The following BRPF3 variants were observed in gnomAD, a reference collection of about 807,000 sequenced individuals.
BRPF3 encodes bromodomain and PHD finger containing 3, also known as bromodomain and PHD finger-containing protein 3.
A neutral mutation model predicts 102.0 loss-of-function variants in BRPF3; 18 were observed. The ratio of observed to expected loss-of-function variants is 0.18; its 90% confidence interval spans 0.12 to 0.26. BRPF3 has a LOEUF of 0.26. BRPF3 is among the 10% of genes least tolerant of loss of function. BRPF3 has a pLI of 1.00. For missense variants in BRPF3, 1,147 were observed against 1,567.8 expected (o/e 0.73, Z 4.53); for synonymous variants, 570 against 614.2 (o/e 0.93, Z 1.06).
chr6:36,215,030 G>C (rs990853108), intron 8 of BRPF3, among the ~76,000 whole-genome samples: 2 of 151,802 alleles, frequency 1.3e-5, no homozygotes, highest in African/African-American at 4.8e-5. Context: ...GAGGGAACCA[G>C]TTTGGCTGCA....
In BRPF3 at chr6:36,231,309, C is replaced by G. The variant is rs1768933935; in HGVS notation, c.*700C>G. The G allele has an allele frequency of 6.5e-6, 1 of 152,748 alleles. No individual in the cohort carries two copies. The allele number at this position is 152,748 out of a possible 1,614,324, so 9.5% of individuals were successfully genotyped here. The stretch of plus-strand genomic sequence containing the variant: ...GAGGCCAGCCCACAACCTATGACCC[C>G]CTCCCCCAGGACACCACCTCCCACC... On this transcript the variant is annotated 3_prime_UTR_variant, in exon 13 of 13. Coordinates refer to ENST00000357641, the MANE Select transcript of BRPF3 (RefSeq NM_015695.3).
At chr6:36,224,225 A>G (rs1212664502) in intron 10 of BRPF3, among the ~76,000 whole-genome samples, 1 of 152,320 alleles carries the variant, frequency 6.6e-6, no homozygotes, top group Non-Finnish European at 1.5e-5. Context: ...AAAATTTTTT[A>G]AAAAGTGAGG....
chr6:36,219,944 A>C (rs1424518101), intron 9 of BRPF3, among the ~76,000 whole-genome samples: 1 of 152,216 alleles, frequency 6.6e-6, no homozygotes, highest in African/African-American at 2.4e-5. Context: ...CTTTCTATAG[A>C]TCACTCATTC....
Position 36,201,038 on chromosome 6 carries a change from T to G in BRPF3, c.716T>G (p.Val239Gly). 1 of 1,614,170 alleles carries G rather than the reference T, an allele frequency of 6.2e-7. No individual in the cohort carries two copies. Among genetic ancestry groups the G allele is most frequent in the Non-Finnish European group, 8.5e-7 (1 of 1,180,030 alleles). ...TTCTGTGACATCTGCAACCTGGCTG[T>G]ACACCAGGAGTGCTATGGCGTCCCA... ...ILFCDICNLA[V>G]HQECYGVPYI... Residue 239 changes from valine to glycine, a missense_variant, in exon 2 of 13, where the codon GTA becomes GGA. By Grantham distance (109) the Val-to-Gly change is moderately radical. Transcript: ENST00000357641. The surrounding 1 kb of genome is among the most constrained non-coding windows in gnomAD (Gnocchi z 5.1).
In BRPF3 at chr6:36,231,244, T is replaced by C. The variant is rs2127299824; in HGVS notation, c.*635T>C. On this transcript the variant is annotated 3_prime_UTR_variant, in exon 13 of 13. Coordinates refer to ENST00000357641, the MANE Select transcript of BRPF3 (RefSeq NM_015695.3). ...TCATTCCCCTTGAGGCCAGCTGCTATGCCAGGTGGTGTCTCTGCCAGGCTC... is the reference window on the plus strand; with the variant it reads ...TCATTCCCCTTGAGGCCAGCTGCTACGCCAGGTGGTGTCTCTGCCAGGCTC... 6.5e-6 allele frequency: 1 copy of C among 152,932 alleles called. No individual in the cohort carries two copies. Among genetic ancestry groups the C allele is most frequent in the East Asian group, 1.9e-4 (1 of 5,192 alleles). The allele number at this position is 152,932 out of a possible 1,614,324, so 9.5% of individuals were successfully genotyped here. A position where few individuals can be genotyped will look rare whatever the true frequency, so the allele number is the denominator to read the frequency against.
At chr6:36,211,765 A>G (rs1768124565) in intron 7 of BRPF3, among the ~76,000 whole-genome samples, 1 of 152,238 alleles carries the variant, frequency 6.6e-6, no homozygotes, top group African/African-American at 2.4e-5. Context: ...AAATTTATCC[A>G]TCTCAGTAGA....
At chr6:36,204,371 C>A (rs895026786) in intron 2 of BRPF3, 1 of 423,222 alleles carries the variant, frequency 2.4e-6, no homozygotes, top group African/African-American at 2.0e-5. Flanking sequence ...GTACGTGGAA[C>A]AAGGAAGTCC....
chr6:36,202,152 C>A (rs564782348), intron 2 of BRPF3, among the ~76,000 whole-genome samples: 18 of 152,230 alleles, frequency 1.2e-4, no homozygotes, highest in Admixed American at 3.3e-4. Context: ...CGCATCCCCT[C>A]CCCCATTGCC....
chr6:36,217,311 C>T (rs1222696517), intron 8 of BRPF3, among the ~76,000 whole-genome samples: 3 of 152,284 alleles, frequency 2.0e-5, no homozygotes, highest in Admixed American at 6.5e-5. Flanking sequence ...CAGGAAGTTC[C>T]GGGCTGCTTT....
At chr6:36,224,357 CTG>C (rs1768659332) in intron 10 of BRPF3, among the ~76,000 whole-genome samples, 1 of 152,142 alleles carries the variant, frequency 6.6e-6, no homozygotes, top group South Asian at 2.1e-4. Context: ...AGTGGTTCTT[CTG>C]TGTGTTCAGA....
Position 36,200,601 on chromosome 6 carries a change from C to T in BRPF3, c.279C>T (p.Pro93=), listed in dbSNP as rs777231007. ...QPQFPGKSKK[P]SSKGKKKESC... ...AGTTCCCTGGCAAGTCCAAGAAACC[C>T]TCATCCAAGGGCAAAAAGAAGGAAT... Residue 93 remains proline (P), a synonymous_variant, in exon 2 of 13, where the codon CCC becomes CCT. Coordinates refer to ENST00000357641, the MANE Select transcript of BRPF3 (RefSeq NM_015695.3). The surrounding 1 kb of genome is among the most constrained non-coding windows in gnomAD (Gnocchi z 5.3). 4.3e-6 allele frequency: 7 copies of T among 1,614,080 alleles called. No homozygotes were observed. Among genetic ancestry groups the T allele is most frequent in the Non-Finnish European group, 5.9e-6 (7 of 1,180,042 alleles).
At chr6:36,218,081 A>C in intron 9 of BRPF3, 71 bp downstream of exon 9, 1 of 1,337,002 alleles carries the variant, frequency 7.5e-7, no homozygotes, top group South Asian at 1.3e-5. Context: ...TCAGCTACAG[A>C]TTGAACCTCT....
At chr6:36,227,306 G>A (rs541149130) in intron 11 of BRPF3, among the ~76,000 whole-genome samples, 2 of 151,772 alleles carry the variant, frequency 1.3e-5, no homozygotes, top group Non-Finnish European at 1.5e-5. Context: ...AAATAGAGGC[G>A]AAAAAACACA....
At chr6:36,207,719 C>G (rs1426449208) in intron 4 of BRPF3, among the ~76,000 whole-genome samples, 1 of 152,208 alleles carries the variant, frequency 6.6e-6, no homozygotes, top group East Asian at 1.9e-4. Flanking sequence ...CAGGAAGTCT[C>G]TCAGAGGGAG....
intron 1 of BRPF3, chr6:36,197,659 C>CT: frequency 1.3e-5 from 1 of 79,426 alleles, no homozygotes; most frequent in Non-Finnish European, 2.5e-5. Context: ...GAGGGGAAAT[C>CT]TGGGGGGGCG....
In BRPF3 at chr6:36,201,850, A is replaced by G. The variant is rs1581943821; in HGVS notation, c.1448+80A>G. On this transcript the variant is annotated intron_variant, in intron 2 of 12. Transcript: ENST00000357641. This position sits in a 1 kb window ranked among gnomAD's most constrained non-coding sequence, Gnocchi z 5.1. Reference sequence around the variant, plus strand: ...GTTGGCCCTGTGCCAGGCCTTCGCTAAACACAGTTGGACACTATATCCTCC... The same window carrying G: ...GTTGGCCCTGTGCCAGGCCTTCGCTGAACACAGTTGGACACTATATCCTCC... 2.0e-6 allele frequency: 3 copies of G among 1,513,398 alleles called. No individual in the cohort carries two copies. The highest frequency in any genetic ancestry group is 2.3e-5 in the East Asian group (1 of 44,038). The allele number at this position is 1,513,398 out of a possible 1,614,324, so 93.7% of individuals were successfully genotyped here.
rs1768908729 is a variant in BRPF3, at chr6:36,230,643, C to CCCCA, written c.*34_*35insCCCA. 2 of 1,604,452 alleles carry CCCCA rather than the reference C, an allele frequency of 1.2e-6. No individual in the cohort carries two copies. The highest frequency in any genetic ancestry group is 1.7e-6 in the Non-Finnish European group (2 of 1,173,676). Reference sequence around the variant, plus strand: ...CTGGGCCTGCATCCGCTTGCCCTGCCTCCATCCCGCAGGGCACAGAGAAGC... The same window carrying CCCCA: ...CTGGGCCTGCATCCGCTTGCCCTGCCCCCATCCATCCCGCAGGGCACAGAGAAGC... On this transcript the variant is annotated 3_prime_UTR_variant, in exon 13 of 13. Transcript: ENST00000357641. This position sits in a 1 kb window ranked among gnomAD's most constrained non-coding sequence, Gnocchi z 5.4.
chr6:36,231,314 CCCA>C lies in BRPF3; in HGVS notation c.*706_*708del. 1 of 152,734 alleles carries C rather than the reference CCCA, an allele frequency of 6.5e-6. No homozygotes were observed. Among genetic ancestry groups the C allele is most frequent in the Non-Finnish European group, 1.5e-5 (1 of 68,162 alleles). 9.5% of individuals were successfully genotyped at this position (152,734 alleles called of 1,614,324 possible). A position where few individuals can be genotyped will look rare whatever the true frequency, so the allele number is the denominator to read the frequency against. ...CAGCCCACAACCTATGACCCCCTCC[CCCA>C]GGACACCACCTCCCACCCACAGACC... On this transcript the variant is annotated 3_prime_UTR_variant, in exon 13 of 13. Coordinates refer to ENST00000357641, the MANE Select transcript of BRPF3 (RefSeq NM_015695.3).
At chr6:36,217,323 G>T (rs1239316286) in intron 8 of BRPF3, among the ~76,000 whole-genome samples, 1 of 152,218 alleles carries the variant, frequency 6.6e-6, no homozygotes, top group Non-Finnish European at 1.5e-5. Context: ...GGCTGCTTTA[G>T]TTCCGCTGAA....
Sources: gnomAD v4.1 joint callset for allele counts (sites outside exome capture counted in the v4.1 genomes callset) on GRCh38, gnomAD v4.1.1 for gene constraint, Gnocchi (gnomAD v3.1) non-coding constraint, MANE v1.5 for transcripts, NCBI Gene and HGNC (gene_info 2026-07-23, HGNC 2026-07-21) for gene names.